BRCA2: variants seen among roughly 807,000 people sequenced by gnomAD.
BRCA2 encodes breast cancer type 2 susceptibility protein.
A neutral mutation model predicts 276.7 loss-of-function variants in BRCA2; 203 were observed. The ratio of observed to expected loss-of-function variants is 0.73; its 90% CI spans 0.65 to 0.82. The LOEUF is 0.82. Among genes scored for constraint, BRCA2 ranks in the 40% least tolerant of loss-of-function variants. The pLI is 0.00. For synonymous variants in BRCA2, 1,289 were observed against 1,338.4 expected (o/e 0.96, Z 0.81); for missense variants, 3,920 against 3,915.0 (o/e 1.00, Z -0.03).
chr13:32,318,059 A>G (rs1047305447), intron 2 of BRCA2, among the ~76,000 whole-genome samples: 2 of 152,234 alleles, frequency 1.3e-5, no homozygotes, highest in Non-Finnish European at 2.9e-5. Context: ...ACATTCTTAC[A>G]TTAAACTGGC....
At chr13:32,320,456 C>T (rs1439209947) in intron 3 of BRCA2, among the ~76,000 whole-genome samples, 2 of 152,186 alleles carry the variant, frequency 1.3e-5, no homozygotes, top group Non-Finnish European at 2.9e-5. Context: ...ACCAAAACCA[C>T]AATGCTCTCT....
intron 22 of BRCA2, 48 bp downstream of exon 22, chr13:32,379,563 A>G (rs200067487): frequency 1.3e-6 from 2 of 1,587,068 alleles, no homozygotes; most frequent in East Asian, 2.3e-5. Flanking sequence ...AACTTAAAAA[A>G]TGACCTTACT....
At position 32,332,814 on chromosome 13, in the gene BRCA2, T is replaced by C. The variant is rs761858047; in HGVS notation, c.1336T>C (p.Leu446=). ...AGATTTTCTTACTTCAGAGAATTCT[T>C]TGCCACGTATTTCTAGCCTACCAAA... ...KKDFLTSENS[L]PRISSLPKSE... Residue 446 remains leucine, a synonymous_variant, in exon 10 of 27, where the codon TTG becomes CTG. Coordinates refer to ENST00000380152, the MANE Select transcript of BRCA2 (RefSeq NM_000059.4). 1.2e-6 allele frequency: 2 copies of C among 1,611,038 alleles called. No individual in the cohort carries two copies. The highest frequency in any genetic ancestry group is 1.7e-6 in the Non-Finnish European group (2 of 1,179,230).
At chr13:32,327,443 G>A (rs2072358121) in intron 7 of BRCA2, among the ~76,000 whole-genome samples, 1 of 151,800 alleles carries the variant, frequency 6.6e-6, no homozygotes, top group East Asian at 1.9e-4. Context: ...AGGCTGAGGT[G>A]GGAGGATCAC....
rs1555280950 is a variant in BRCA2 at position 32,326,132 on chromosome 13, C to T, written c.457C>T (p.Pro153Ser). The T allele has an allele frequency of 6.2e-7, 1 of 1,609,372 alleles. No homozygotes were observed. The highest frequency in any genetic ancestry group is 8.5e-7 in the Non-Finnish European group (1 of 1,177,156). Residue 153 changes from proline to serine, a missense_variant, in exon 5 of 27, where the codon CCA (proline) becomes TCA (serine). By Grantham distance (74) the Pro-to-Ser change is moderately conservative (BLOSUM62 -1). Coordinates refer to ENST00000380152, the MANE Select transcript of BRCA2 (RefSeq NM_000059.4). ...PVVLQCTHVT[P>S]QRDKSVVCGS... Reference sequence around the variant, plus strand: ...TGTTCTACAATGTACACATGTAACACCACAAAGAGATAAGTCAGGTATGAT... The same window carrying T: ...TGTTCTACAATGTACACATGTAACATCACAAAGAGATAAGTCAGGTATGAT...
intron 13 of BRCA2, among the ~76,000 whole-genome samples, chr13:32,351,949 G>A (rs575692110): frequency 6.6e-6 from 1 of 152,044 alleles, no homozygotes; most frequent in African/African-American, 2.4e-5. Flanking sequence ...TTACAGGCGC[G>A]TGCCACCATG....
intron 21 of BRCA2, among the ~76,000 whole-genome samples, chr13:32,377,080 CA>C (rs1013540723): frequency 6.6e-6 from 1 of 151,874 alleles, no homozygotes; most frequent in Non-Finnish European, 1.5e-5. Context: ...TACTCTGAAG[CA>C]AAAAAACTTT....
At position 32,398,430 on chromosome 13, in the gene BRCA2, C is replaced by T. The variant is rs80359250; in HGVS notation, c.9917C>T (p.Thr3306Ile). The T allele has an allele frequency of 6.2e-7, 1 of 1,614,136 alleles. No individual in the cohort carries two copies. The highest frequency in any genetic ancestry group is 8.5e-7 in the Non-Finnish European group (1 of 1,180,030). Residue 3306 changes from threonine to isoleucine, a missense_variant, in exon 27 of 27, where the codon ACC (threonine) becomes ATC (isoleucine). Transcript: ENST00000380152. ...TTTCAGCCACCAAGGAGTTGTGGCA[C>T]CAAATACGAAACACCCATAAAGAAA... ...KAFQPPRSCG[T>I]KYETPIKKKE...
intron 11 of BRCA2, among the ~76,000 whole-genome samples, chr13:32,342,484 C>T (rs1415917973): frequency 1.3e-5 from 2 of 152,028 alleles, no homozygotes; most frequent in African/African-American, 4.8e-5. Flanking sequence ...CAACTTAGTT[C>T]AACTACAGTC....
At chr13:32,345,563 G>A (rs1405206077) in intron 12 of BRCA2, among the ~76,000 whole-genome samples, 1 of 151,934 alleles carries the variant, frequency 6.6e-6, no homozygotes, top group Non-Finnish European at 1.5e-5. Flanking sequence ...ATTGTTTGCA[G>A]TTTTTGTCCT....
chr13:32,379,719 C>T (rs758565656), intron 22 of BRCA2, 31 bp from the exon 23 acceptor site: 5 of 1,593,416 alleles, frequency 3.1e-6, no homozygotes, highest in Non-Finnish European at 3.4e-6. Flanking sequence ...TCACTTCTTC[C>T]ATTGCATCTT....
chr13:32,319,879 A>G (rs2072295174), intron 3 of BRCA2, among the ~76,000 whole-genome samples: 1 of 152,240 alleles, frequency 6.6e-6, no homozygotes, highest in African/African-American at 2.4e-5. Context: ...CAGATAAAGT[A>G]TAGTGTAAGG....
rs397507278 is a variant in BRCA2 at position 32,333,328 on chromosome 13, C to T, written c.1850C>T (p.Ser617Leu). Residue 617 changes from serine (S) to leucine (L), a missense_variant, in exon 10 of 27, where the codon TCA becomes TTA. Around this residue, in one of 2 missense-constraint regions of BRCA2, gnomAD observed 3,263 missense variants for 3,156.9 expected, o/e 1.03. Coordinates refer to ENST00000380152, the MANE Select transcript of BRCA2 (RefSeq NM_000059.4). Reference sequence around the variant, plus strand: ...CAAAAATCAGAACTAATTAACTGTTCAGCCCAGTTTGAAGCAAATGCTTTT... The same window carrying T: ...CAAAAATCAGAACTAATTAACTGTTTAGCCCAGTTTGAAGCAAATGCTTTT... Reference protein sequence around the residue: ...KDQKSELINCSAQFEANAFEA... With the variant: ...KDQKSELINCLAQFEANAFEA... The T allele has an allele frequency of 1.2e-6, 2 of 1,608,892 alleles. No individual in the cohort carries two copies. Among genetic ancestry groups the T allele is most frequent in the South Asian group, 1.1e-5 (1 of 89,526 alleles).
intron 2 of BRCA2, among the ~76,000 whole-genome samples, chr13:32,317,118 G>T (rs2072269142): frequency 6.6e-6 from 1 of 152,148 alleles, no homozygotes; most frequent in African/African-American, 2.4e-5. Flanking sequence ...AGAATCGCTT[G>T]AACCCTGGAG....
chr13:32,341,335 A>G (rs2072568170), intron 11 of BRCA2, 139 bp downstream of exon 11: 1 of 1,156,316 alleles, frequency 8.6e-7, no homozygotes, highest in Admixed American at 1.8e-5. Context: ...TTGGGGGAGT[A>G]TGGTTTGATA....
At position 32,398,237 on chromosome 13, in the gene BRCA2, A is replaced by T. The variant is rs1266232125; in HGVS notation, c.9724A>T (p.Thr3242Ser). 2 of 1,613,916 alleles carry T rather than the reference A, an allele frequency of 1.2e-6. No homozygotes were observed. The highest frequency in any genetic ancestry group is 1.7e-6 in the Non-Finnish European group (2 of 1,179,972). ...TATGGCCAAAAGGAAGTCTGTTTCC[A>T]CACCTGTCTCAGCCCAGATGACTTC... ...LCMAKRKSVS[T>S]PVSAQMTSKS... The change falls in exon 27 of 27, where the codon ACA becomes TCA. Residue 3242 changes from threonine (T) to serine (S), a missense_variant. Thr to Ser is a moderately conservative substitution (Grantham distance 58). Transcript: ENST00000380152.
intron 24 of BRCA2, among the ~76,000 whole-genome samples, chr13:32,382,118 A>T (rs1444913133): frequency 6.6e-6 from 1 of 152,024 alleles, no homozygotes; most frequent in African/African-American, 2.4e-5. Flanking sequence ...TTTACTACAA[A>T]TTTTTTTGTA....
rs431825347 is a variant in BRCA2 at position 32,346,895 on chromosome 13, C to T, written c.7006C>T (p.Arg2336Cys). The change falls in exon 13 of 27, where the codon CGC (arginine) becomes TGC (cysteine). Residue 2336 changes from arginine (R) to cysteine (C), a missense_variant and splice_region_variant. Arg to Cys is a radical substitution (Grantham distance 180). Transcript: ENST00000380152. ...AGAGCCGATTACCTGTGTACCCTTT[C>T]GGTAAGACATGTTTAAATTTTTCTA... ...SLEPITCVPF[R>C]TTKERQEIQN... 1.8e-5 allele frequency: 29 copies of T among 1,604,296 alleles called. No individual in the cohort carries two copies. In the African/African-American group the frequency reaches 1.9e-4, roughly 10 times the overall value.
intron 14 of BRCA2, among the ~76,000 whole-genome samples, chr13:32,355,588 G>A (rs184077325): frequency 2.7e-4 from 41 of 152,266 alleles, no homozygotes; most frequent in Admixed American, 3.9e-4. Context: ...AGGGCCGGGC[G>A]TGGTGGCTCA....
Sources: gnomAD v4.1 joint callset for allele counts (sites outside exome capture counted in the v4.1 genomes callset) on GRCh38, gnomAD v4.1.1 for gene constraint, gnomAD v4.1.1 regional missense constraint, MANE v1.5 for transcripts, NCBI Gene and HGNC (gene_info 2026-07-23, HGNC 2026-07-21) for gene names.